DST: variants seen among roughly 807,000 people sequenced by gnomAD.
DST encodes dystonin, also known as bullous pemphigoid antigen.
A neutral mutation model predicts 875.2 loss-of-function variants in DST; 253 were observed. That is an observed-to-expected ratio of 0.29 (90% confidence interval 0.26 to 0.32). The LOEUF is 0.32. Ranked by LOEUF, DST falls within the 10% of genes least tolerant of loss-of-function variation. The pLI is 1.00. For synonymous variants in DST, 3,124 were observed against 3,197.1 expected (o/e 0.98, Z 0.77); for missense variants, 8,287 against 9,111.6 (o/e 0.91, Z 3.68).
At chr6:56,649,208 A>G (rs899186971) in intron 12 of DST, among the ~76,000 whole-genome samples, 28 of 152,214 alleles carry the variant, frequency 1.8e-4, no homozygotes, top group Non-Finnish European at 3.5e-4. Context: ...TCAGTAGGCA[A>G]ACTCTTTAAA....
chr6:56,802,050 G>A (rs377368359), intron 4 of DST, among the ~76,000 whole-genome samples: 5 of 151,876 alleles, frequency 3.3e-5, no homozygotes, highest in East Asian at 3.9e-4. Flanking sequence ...ACACCCAGCC[G>A]TCCACATAAT....
rs1563132020 is a variant in DST at position 56,605,928 on chromosome 6, A to G, written c.8700T>C (p.Thr2900=). The G allele has an allele frequency of 6.2e-7, 1 of 1,612,776 alleles. No individual in the cohort carries two copies. ...TEKSNLPEYT[T]EIAGKSKENL... ...TTTCTTTGCTTTTTCCAGCAATCTC[A>G]GTTGTATATTCTGGAAGGTTGCTTT... The change falls in exon 40 of 104, where the codon ACT becomes ACC. Residue 2900 remains threonine, a synonymous_variant. Transcript: ENST00000680361.
Position 56,828,033 on chromosome 6 carries a change from C to T in DST, c.625+23364G>A, listed in dbSNP as rs190555791. On this transcript the variant is annotated intron_variant, in intron 4 of 103. Coordinates refer to ENST00000680361, the MANE Select transcript of DST (RefSeq NM_001374736.1). Reference sequence around the variant, plus strand: ...TTCCACTGATGCTCCTACTCTCTAGCTGTGTTAGAACTGATGCATGTAGCA... The same window carrying T: ...TTCCACTGATGCTCCTACTCTCTAGTTGTGTTAGAACTGATGCATGTAGCA... Among the ~76,000 whole-genome samples the T allele has an allele frequency of 2.4e-3, 363 of 152,270 alleles. 2 individuals carry two copies. The highest frequency in any genetic ancestry group is 4.2e-3 in the Non-Finnish European group (288 of 68,026).
intron 10 of DST, among the ~76,000 whole-genome samples, chr6:56,657,304 A>G (rs2099013977): frequency 1.3e-5 from 2 of 152,192 alleles, no homozygotes; most frequent in Admixed American, 1.3e-4. Flanking sequence ...TATTAAATAT[A>G]CAAGAAAAGA....
At chr6:56,522,487 T>C (rs977271727) in intron 69 of DST, among the ~76,000 whole-genome samples, 2 of 152,190 alleles carry the variant, frequency 1.3e-5, no homozygotes, top group African/African-American at 4.8e-5. Context: ...TTCTTTTGAT[T>C]AGCATTTCCT....
chr6:56,822,261 G>T (rs938735777), intron 4 of DST, among the ~76,000 whole-genome samples: 4 of 152,146 alleles, frequency 2.6e-5, no homozygotes, highest in African/African-American at 9.7e-5. Flanking sequence ...TCATCTCTGA[G>T]AAAAGAGAAA....
chr6:56,616,058 A>G (rs1317506322), intron 36 of DST: 2 of 1,614,100 alleles, frequency 1.2e-6, no homozygotes, highest in Non-Finnish European at 1.7e-6. Flanking sequence ...CCGATCAACC[A>G]AATTTCTACG....
intron 9 of DST, among the ~76,000 whole-genome samples, chr6:56,673,313 G>C (rs1202285382): frequency 6.6e-6 from 1 of 151,984 alleles, no homozygotes; most frequent in Non-Finnish European, 1.5e-5. Context: ...GAGCCTCTTG[G>C]TCTCTATAAC....
At chr6:56,950,353 T>C (rs1348995581) in intron 2 of DST, among the ~76,000 whole-genome samples, 1 of 152,190 alleles carries the variant, frequency 6.6e-6, no homozygotes, top group East Asian at 1.9e-4. Flanking sequence ...TCAAAGGGCA[T>C]TATAATAGTC....
chr6:56,480,168 A>C (rs1269410979), intron 90 of DST, among the ~76,000 whole-genome samples: 1 of 152,208 alleles, frequency 6.6e-6, no homozygotes, highest in Non-Finnish European at 1.5e-5. Flanking sequence ...ACTATAATGG[A>C]GTCAACGTTC....
intron 72 of DST, among the ~76,000 whole-genome samples, chr6:56,512,426 G>A (rs1402122482): frequency 6.6e-6 from 1 of 152,188 alleles, no homozygotes; most frequent in African/African-American, 2.4e-5. Context: ...GCCTTTGCTT[G>A]CAGGTTTTTC....
intron 72 of DST, among the ~76,000 whole-genome samples, 182 bp downstream of exon 72, chr6:56,515,268 T>A (rs72645375): frequency 5.4e-5 from 1 of 18,440 alleles, no homozygotes; most frequent in Non-Finnish European, 1.7e-4. Flanking sequence ...TATATCCACA[T>A]GAGTCTTCTC....
intron 36 of DST, among the ~76,000 whole-genome samples, chr6:56,617,708 T>G (rs1190310332): frequency 6.6e-6 from 1 of 152,208 alleles, no homozygotes; most frequent in East Asian, 1.9e-4. Flanking sequence ...TTCTTCTAGC[T>G]TTTTTGATAC....
chr6:56,472,620 C>G (rs879321822), intron 93 of DST, among the ~76,000 whole-genome samples: 1 of 152,162 alleles, frequency 6.6e-6, no homozygotes, highest in Non-Finnish European at 1.5e-5. Flanking sequence ...CCCAGCTGTC[C>G]TTCCTAGAGA....
intron 3 of DST, among the ~76,000 whole-genome samples, chr6:56,867,603 C>T (rs374266023): frequency 6.6e-6 from 1 of 152,150 alleles, no homozygotes; most frequent in Non-Finnish European, 1.5e-5. Context: ...GGGCGGATCA[C>T]GAGGTCAGGA....
At chr6:56,785,203 A>G (rs1370977804) in intron 4 of DST, among the ~76,000 whole-genome samples, 1 of 152,184 alleles carries the variant, frequency 6.6e-6, no homozygotes, top group Non-Finnish European at 1.5e-5. Flanking sequence ...CCATTATCAG[A>G]TCTCCAGCTG....
chr6:56,504,148 G>C lies in DST; in HGVS notation c.19465-50C>G, dbSNP rs747621635. 4.1e-6 allele frequency: 5 copies of C among 1,210,106 alleles called. No individual in the cohort carries two copies. The South Asian group carries it at 5.6e-5, about 14-fold the overall frequency. 75.0% of individuals were successfully genotyped at this position (1,210,106 alleles called of 1,614,324 possible). ...TTGTTACAACAGTACATTTGAAATT[G>C]CTACAGTATTTCAAGTACTACAGAA... On this transcript the variant is annotated intron_variant, in intron 77 of 103. Coordinates refer to ENST00000680361, the MANE Select transcript of DST (RefSeq NM_001374736.1).
At position 56,629,334 on chromosome 6, in the gene DST, C is replaced by G. The variant is rs768643432; in HGVS notation, c.4391G>C (p.Arg1464Pro). The G allele has an allele frequency of 6.2e-7, 1 of 1,613,654 alleles. No individual in the cohort carries two copies. The highest frequency in any genetic ancestry group is 2.2e-5 in the East Asian group (1 of 44,772). Residue 1464 changes from arginine (R) to proline (P), a missense_variant, in exon 32 of 104, where the codon CGG (arginine) becomes CCG (proline). Transcript: ENST00000680361. ...TTTGTGCCAGTCAAAATCAAGGTCCCGTTCTTTATACGTTTTAAACATTTC... is the reference window on the plus strand; with the variant it reads ...TTTGTGCCAGTCAAAATCAAGGTCCGGTTCTTTATACGTTTTAAACATTTC... Reference protein sequence around the residue: ...SDEMFKTYKERDLDFDWHKEK... With the variant: ...SDEMFKTYKEPDLDFDWHKEK...
chr6:56,499,891 G>C (rs1411842049), intron 80 of DST, among the ~76,000 whole-genome samples: 1 of 152,126 alleles, frequency 6.6e-6, no homozygotes, highest in East Asian at 1.9e-4. Context: ...GGTCTCACCA[G>C]TCATTAGGGC....
Sources: allele counts gnomAD v4.1 joint callset (sites outside exome capture counted in the v4.1 genomes callset), GRCh38; gene constraint gnomAD v4.1.1; transcripts MANE v1.5; gene names NCBI Gene and HGNC (gene_info 2026-07-23, HGNC 2026-07-21).